The following ALPK2 variants were observed in gnomAD, a reference collection of about 807,000 sequenced individuals.
ALPK2 encodes alpha kinase 2, also known as alpha-protein kinase 2.
Under a neutral mutation model 163.1 loss-of-function variants are expected in ALPK2, and 127 were observed. That is an observed-to-expected ratio of 0.78 (90% CI 0.67 to 0.90). ALPK2 has a LOEUF of 0.90. Among genes scored for constraint, ALPK2 ranks in the 40% least tolerant of loss-of-function variants. The pLI is 0.00. For missense variants in ALPK2, 2,360 were observed against 2,589.6 expected, an observed-to-expected ratio of 0.91 and a Z score of 1.92; for synonymous variants, 953 against 959.1, an observed-to-expected ratio of 0.99 and a Z score of 0.12.
At chr18:58,538,411 C>T in intron 4 of ALPK2, 187 bp from the exon 5 acceptor site, 1 of 566,358 alleles carries the variant, frequency 1.8e-6, no homozygotes, top group Non-Finnish European at 3.0e-6. Flanking sequence ...CAAATTTAAG[C>T]AACTCTGTGT....
chr18:58,615,736 C>T (rs2052163564), intron 1 of ALPK2, among the ~76,000 whole-genome samples: 1 of 152,194 alleles, frequency 6.6e-6, no homozygotes, highest in African/African-American at 2.4e-5. Flanking sequence ...CATTCTCATT[C>T]CTGGAGATCA....
intron 1 of ALPK2, among the ~76,000 whole-genome samples, chr18:58,624,026 A>G (rs1318403400): frequency 1.3e-5 from 2 of 152,096 alleles, no homozygotes; most frequent in Non-Finnish European, 2.9e-5. Flanking sequence ...TGTCCTCCTA[A>G]TCAAGCCTCT....
chr18:58,534,634 GA>G (rs2051633356), intron 5 of ALPK2, among the ~76,000 whole-genome samples, 199 bp downstream of exon 5: 1 of 152,182 alleles, frequency 6.6e-6, no homozygotes. Flanking sequence ...CACACTGGGG[GA>G]GGGGAGCAAT....
chr18:58,539,946 T>C (rs750848879), intron 4 of ALPK2, among the ~76,000 whole-genome samples: 2 of 152,226 alleles, frequency 1.3e-5, no homozygotes, highest in African/African-American at 4.8e-5. Flanking sequence ...TAACTCATAT[T>C]TGATGGGCAT....
intron 10 of ALPK2, among the ~76,000 whole-genome samples, chr18:58,513,016 TGTGTGTG>T (rs972225867): frequency 1.5e-5 from 2 of 137,086 alleles, no homozygotes; most frequent in African/African-American, 2.7e-5. Flanking sequence ...TTATGTGGGG[TGTGTGTG>T]GTGTGTGGTT....
chr18:58,552,811 G>C (rs1220009817), intron 4 of ALPK2, among the ~76,000 whole-genome samples: 1 of 152,206 alleles, frequency 6.6e-6, no homozygotes, highest in Non-Finnish European at 1.5e-5. Context: ...GGGCTACCGT[G>C]GTGGCTGGGG....
At chr18:58,567,448 T>G (rs972061614) in intron 4 of ALPK2, among the ~76,000 whole-genome samples, 15 of 152,144 alleles carry the variant, frequency 9.9e-5, no homozygotes, top group South Asian at 6.2e-4. Context: ...GTTGTTTTTT[T>G]AAACACGCAC....
rs754688349 is a variant in ALPK2 at position 58,551,274 on chromosome 18, C to T, written c.1963-13050G>A. 3.9e-5 allele frequency among the ~76,000 whole-genome samples: 6 copies of T among 152,258 alleles called. No individual in the cohort carries two copies. In the South Asian group the frequency reaches 6.2e-4, roughly 16 times the overall value. On this transcript the variant is annotated intron_variant, in intron 4 of 12. Transcript: ENST00000361673. ...GGCCAGAAGTGTGCATTCAAGGTGT[C>T]GCCAGGGCTGCACTCCTCTGGAGGT...
chr18:58,578,889 A>G lies in ALPK2; in HGVS notation c.1887T>C (p.Asn629=), dbSNP rs1041478458. 3 of 1,614,026 alleles carry G rather than the reference A, an allele frequency of 1.9e-6. No homozygotes were observed. In the African/African-American group the frequency reaches 4.0e-5, roughly 22 times the overall value. The change falls in exon 4 of 13, where the codon AAT becomes AAC. Residue 629 remains asparagine, a synonymous_variant. Transcript: ENST00000361673. ...TDSVSKEGNT[N]CKGEGMQVNT... Reference sequence around the variant, plus strand: ...TAACTTGCATGCCTTCTCCCTTGCAATTTGTGTTGCCTTCTTTGGAGACTG... The same window carrying G: ...TAACTTGCATGCCTTCTCCCTTGCAGTTTGTGTTGCCTTCTTTGGAGACTG...
intron 4 of ALPK2, among the ~76,000 whole-genome samples, chr18:58,573,216 A>AGATATATGTGTATATATG (rs2051895305): frequency 2.9e-5 from 1 of 34,588 alleles, no homozygotes; most frequent in African/African-American, 1.0e-4. Context: ...GTATATATGT[A>AGATATATGTGTATATATG]TATATATGTG....
chr18:58,513,623 C>A (rs945723290), intron 10 of ALPK2, among the ~76,000 whole-genome samples: 1 of 152,148 alleles, frequency 6.6e-6, no homozygotes, highest in African/African-American at 2.4e-5. Context: ...ATGCCTATAA[C>A]GCCAGCACTC....
At chr18:58,623,585 C>A (rs1234087426) in intron 1 of ALPK2, among the ~76,000 whole-genome samples, 1 of 152,234 alleles carries the variant, frequency 6.6e-6, no homozygotes, top group African/African-American at 2.4e-5. Flanking sequence ...CCCTCCTCAG[C>A]CTCCTGAGTA....
At chr18:58,574,308 GT>G in intron 4 of ALPK2, among the ~76,000 whole-genome samples, 1 of 151,568 alleles carries the variant, frequency 6.6e-6, no homozygotes, top group Non-Finnish European at 1.5e-5. Flanking sequence ...AATCAGCCGG[GT>G]GTGGTGGGGC....
chr18:58,588,695 C>A, intron 3 of ALPK2, among the ~76,000 whole-genome samples: 1 of 152,114 alleles, frequency 6.6e-6, no homozygotes, highest in Non-Finnish European at 1.5e-5. Flanking sequence ...TTTTGGTTTT[C>A]TGTTCCTGTA....
intron 4 of ALPK2, among the ~76,000 whole-genome samples, chr18:58,549,549 T>C (rs1442469093): frequency 1.3e-5 from 2 of 152,316 alleles, no homozygotes; most frequent in South Asian, 4.1e-4. Context: ...AGGCAAAATA[T>C]ACACTGAGCT....
rs559519078 is a variant in ALPK2 at position 58,569,123 on chromosome 18, A to G, written c.1962+9691T>C. On this transcript the variant is annotated intron_variant, in intron 4 of 12. Coordinates refer to ENST00000361673, the MANE Select transcript of ALPK2 (RefSeq NM_052947.4). ...CAGCTGCTCGTGAGCCTGAGGTGGGAGGATCACCTGAGGTCCAGGCTGTAG... is the reference window on the plus strand; with the variant it reads ...CAGCTGCTCGTGAGCCTGAGGTGGGGGGATCACCTGAGGTCCAGGCTGTAG... Among the ~76,000 whole-genome samples the G allele has an allele frequency of 5.9e-5, 9 of 152,232 alleles. 1 individual carries two copies. In the South Asian group the frequency reaches 1.9e-3, roughly 32 times the overall value.
intron 4 of ALPK2, among the ~76,000 whole-genome samples, chr18:58,559,007 G>T (rs997101199): frequency 2.6e-5 from 4 of 152,308 alleles, no homozygotes; most frequent in South Asian, 2.1e-4. Flanking sequence ...TAGTGGTAAT[G>T]GTTGGTTGCA....
At chr18:58,612,551 G>A (rs984979897) in intron 1 of ALPK2, among the ~76,000 whole-genome samples, 1 of 152,192 alleles carries the variant, frequency 6.6e-6, no homozygotes, top group Non-Finnish European at 1.5e-5. Context: ...GACTCAGAGA[G>A]GTTCAACAAC....
intron 4 of ALPK2, among the ~76,000 whole-genome samples, chr18:58,567,580 G>T (rs1049447030): frequency 6.6e-6 from 1 of 152,146 alleles, no homozygotes; most frequent in African/African-American, 2.4e-5. Context: ...CAGGCTGTTT[G>T]CCAGGACATG....
Sources: allele counts gnomAD v4.1 joint callset (sites outside exome capture counted in the v4.1 genomes callset), GRCh38; gene constraint gnomAD v4.1.1; transcripts MANE v1.5; gene names NCBI Gene and HGNC (gene_info 2026-07-23, HGNC 2026-07-21).